Variants in SLC14A2 observed in about 807,000 individuals in gnomAD.
SLC14A2 encodes solute carrier family 14 member 2, also known as urea transporter 2.
A neutral mutation model predicts 104.6 loss-of-function variants in SLC14A2; 91 were observed. That is an observed-to-expected ratio of 0.87 (90% CI 0.73 to 1.04). The LOEUF (loss-of-function observed/expected upper bound fraction) is 1.04. Ranked by LOEUF, SLC14A2 falls within the 50% of genes least tolerant of loss-of-function variation. The probability of loss-of-function intolerance (pLI) is 0.00; values close to 1 mark genes in which losing one functional copy is unlikely to be tolerated. For missense variants in SLC14A2, 1,189 were observed against 1,156.0 expected (o/e 1.03, Z -0.41); for synonymous variants, 476 against 466.4 (o/e 1.02, Z -0.27).
chr18:45,354,150 A>G (rs987246391), intron 1 of SLC14A2, among the ~76,000 whole-genome samples: 2 of 152,218 alleles, frequency 1.3e-5, no homozygotes, highest in African/African-American at 4.8e-5. Flanking sequence ...CTACGTAAAT[A>G]TAAAGACAAA....
chr18:45,529,528 A>G (rs1277963183), intron 2 of SLC14A2: 2 of 152,210 alleles, frequency 1.3e-5, no homozygotes, highest in South Asian at 4.1e-4. Context: ...TGCCGAGCGC[A>G]TATGGGCCAT....
At chr18:45,431,011 TCAGGATC>T (rs1251645794) in intron 1 of SLC14A2, among the ~76,000 whole-genome samples, 1 of 152,208 alleles carries the variant, frequency 6.6e-6, no homozygotes, top group Non-Finnish European at 1.5e-5. Context: ...AAGATGAAGT[TCAGGATC>T]CAGGCATGAG....
intron 1 of SLC14A2, among the ~76,000 whole-genome samples, chr18:45,315,281 C>G (rs2085118297): frequency 6.6e-6 from 1 of 152,114 alleles, no homozygotes; most frequent in Non-Finnish European, 1.5e-5. Context: ...TGCATCAGAT[C>G]TGATTCCAGT....
At chr18:45,675,710 T>TCTATATATATATATATATATATA (rs1555639293) in intron 18 of SLC14A2, among the ~76,000 whole-genome samples, 3 of 46,208 alleles carry the variant, frequency 6.5e-5, no homozygotes, top group African/African-American at 1.9e-4. Flanking sequence ...TATATATATA[T>TCTATATATATATATATATATATA]TTTTTTTTTT....
intron 1 of SLC14A2, among the ~76,000 whole-genome samples, chr18:45,391,729 G>A (rs527376270): frequency 7.4e-4 from 113 of 152,264 alleles, no homozygotes; most frequent in African/African-American, 2.6e-3. Flanking sequence ...GTCTTCTTTT[G>A]AGAAGTGTCT....
chr18:45,563,601 T>A (rs1231987366), intron 2 of SLC14A2, among the ~76,000 whole-genome samples: 1 of 152,200 alleles, frequency 6.6e-6, no homozygotes, highest in Non-Finnish European at 1.5e-5. Flanking sequence ...AACTCTCTGA[T>A]CATCTCTTTA....
chr18:45,420,307 C>G (rs1399688787), intron 1 of SLC14A2, among the ~76,000 whole-genome samples: 1 of 148,172 alleles, frequency 6.7e-6, no homozygotes, highest in Non-Finnish European at 1.5e-5. Context: ...CTTTATGAAC[C>G]AGCCTTGGAA....
intron 2 of SLC14A2, among the ~76,000 whole-genome samples, chr18:45,553,962 C>A (rs2044091762): frequency 6.6e-6 from 1 of 152,168 alleles, no homozygotes; most frequent in Non-Finnish European, 1.5e-5. Context: ...GTATGCTGTG[C>A]TGCAAGATCA....
chr18:45,593,486 C>CTTTTTT (rs1172271684), intron 2 of SLC14A2, among the ~76,000 whole-genome samples: 60 of 88,792 alleles, frequency 6.8e-4, no homozygotes, highest in African/African-American at 2.4e-3. Flanking sequence ...TTTCCTTAAT[C>CTTTTTT]TTTTTTTTTT....
chr18:45,643,186 G>T lies in SLC14A2; in HGVS notation c.1176+5G>T, dbSNP rs942877829. On this transcript the variant is annotated splice_donor_5th_base_variant and intron_variant, in intron 9 of 19. Coordinates refer to ENST00000255226, the MANE Select transcript of SLC14A2 (RefSeq NM_007163.4). ...ATCTCCAACATCATGTCAGTGGTAAGTGTGGATTCTCCTGAACACTACCCC... is the reference window on the plus strand; with the variant it reads ...ATCTCCAACATCATGTCAGTGGTAATTGTGGATTCTCCTGAACACTACCCC... 1 of 1,613,308 alleles carries T rather than the reference G, an allele frequency of 6.2e-7. No individual in the cohort carries two copies. Among genetic ancestry groups the T allele is most frequent in the African/African-American group, 1.3e-5 (1 of 74,934 alleles).
the SLC14A2 span, among the ~76,000 whole-genome samples, chr18:45,193,152 A>G: frequency 6.6e-6 from 1 of 152,196 alleles, no homozygotes; most frequent in African/African-American, 2.4e-5. Context: ...TAGCAGACAC[A>G]TATTTGCCAA....
chr18:45,327,882 C>A (rs1161785673), intron 1 of SLC14A2, among the ~76,000 whole-genome samples: 2 of 152,106 alleles, frequency 1.3e-5, no homozygotes, highest in African/African-American at 4.8e-5. Context: ...CATAGACAGC[C>A]TCTGAATGAG....
intron 2 of SLC14A2, among the ~76,000 whole-genome samples, chr18:45,508,580 A>G (rs992221409): frequency 2.0e-5 from 3 of 152,302 alleles, no homozygotes; most frequent in Non-Finnish European, 4.4e-5. Context: ...GTATGTCTTT[A>G]TCGTCAGTGT....
In SLC14A2 at chr18:45,587,100, G is replaced by T. The variant is rs962084756; in HGVS notation, c.-34-37531G>T. On this transcript the variant is annotated intron_variant, in intron 2 of 20. Transcript: ENST00000586448. ...AGCGATTTTCCTGCCTCAGCCTACT[G>T]ACTAGCTGGGATTACAGGCACATAC... Among the ~76,000 whole-genome samples, 13 of 152,204 alleles carry T rather than the reference G, an allele frequency of 8.5e-5. No individual in the cohort carries two copies. In the South Asian group the frequency reaches 2.5e-3, roughly 29 times the overall value.
At chr18:45,502,765 A>G (rs1053241236) in intron 2 of SLC14A2, among the ~76,000 whole-genome samples, 4 of 152,158 alleles carry the variant, frequency 2.6e-5, no homozygotes, top group African/African-American at 9.7e-5. Context: ...GAACTGAAAC[A>G]TAAATAAGTT....
At position 45,240,254 on chromosome 18, in the gene SLC14A2, A is replaced by G. The variant is rs532589981; in HGVS notation, c.-125+27063A>G. 2.0e-5 allele frequency among the ~76,000 whole-genome samples: 3 copies of G among 151,064 alleles called. No homozygotes were observed. In the South Asian group the frequency reaches 6.3e-4, roughly 32 times the overall value. On this transcript the variant is annotated intron_variant, in intron 1 of 20. Coordinates refer to the SLC14A2 transcript ENST00000586448. ...TGGGACTACAGGCATGTGCCACCAC[A>G]CCCGGCTAATTTTTTCTATTTTAGT...
intron 1 of SLC14A2, among the ~76,000 whole-genome samples, chr18:45,262,119 A>G (rs1317901771): frequency 1.3e-5 from 2 of 152,188 alleles, no homozygotes. Context: ...GTGAGATGGT[A>G]TCTCATTGTG....
At chr18:45,411,467 T>C (rs961616436) in intron 1 of SLC14A2, among the ~76,000 whole-genome samples, 7 of 152,192 alleles carry the variant, frequency 4.6e-5, no homozygotes, top group African/African-American at 1.7e-4. Flanking sequence ...ATATCGTTTT[T>C]CACCTTTGTG....
rs775412554 is a variant in SLC14A2, at chr18:45,666,210, C to G, written c.1548C>G (p.Val516=). The G allele has an allele frequency of 1.2e-6, 2 of 1,611,266 alleles. No homozygotes were observed. The highest frequency in any genetic ancestry group is 4.5e-5 in the East Asian group (2 of 44,870). Residue 516 remains valine (V), a synonymous_variant, in exon 12 of 20, where the codon GTC becomes GTG. Coordinates refer to ENST00000255226, the MANE Select transcript of SLC14A2 (RefSeq NM_007163.4). ...PFPYRYRKPT[V]ELLDLDTMEE... is the part of the protein sequence containing the mutation. ...CCTATCGATACCGGAAGCCCACAGT[C>G]GAGCTGCTTGTGAGTACTGAGTGTC...
Sources: gnomAD v4.1 joint callset for allele counts (sites outside exome capture counted in the v4.1 genomes callset) on GRCh38, gnomAD v4.1.1 for gene constraint, MANE v1.5 for transcripts, NCBI Gene and HGNC (gene_info 2026-07-23, HGNC 2026-07-21) for gene names.